The following PCDH15 variants were observed in gnomAD, a reference collection of about 807,000 sequenced individuals.
PCDH15 encodes protocadherin related 15, also known as protocadherin-15.
PCDH15 carries 129 observed loss-of-function variants against 178.5 expected under a neutral mutation model. The ratio of observed to expected loss-of-function variants is 0.72; its 90% CI spans 0.63 to 0.84. The LOEUF is 0.84. Ranked by LOEUF, PCDH15 falls within the 40% of genes least tolerant of loss-of-function variation. The probability of loss-of-function intolerance (pLI) is 0.00; values close to 1 mark genes in which losing one functional copy is unlikely to be tolerated. For missense variants in PCDH15, 2,230 were observed against 2,099.9 expected (o/e 1.06, Z -1.21); for synonymous variants, 800 against 732.0 (o/e 1.09, Z -1.50).
At chr10:54,958,327 A>G (rs1838545967) in intron 2 of PCDH15, among the ~76,000 whole-genome samples, 1 of 151,774 alleles carries the variant, frequency 6.6e-6, no homozygotes, top group African/African-American at 2.4e-5. Context: ...GTTTTGTCTT[A>G]CCTACGTCAC....
intron 13 of PCDH15, among the ~76,000 whole-genome samples, chr10:54,178,773 T>C (rs1040234809): frequency 6.6e-6 from 1 of 152,002 alleles, no homozygotes; most frequent in East Asian, 1.9e-4. Context: ...GAACAGACAC[T>C]TCTCAAAAGA....
At chr10:55,498,143 C>T (rs549065333) in intron 2 of PCDH15, among the ~76,000 whole-genome samples, 5 of 151,938 alleles carry the variant, frequency 3.3e-5, no homozygotes, top group Admixed American at 3.3e-4. Context: ...TGTTTCTAAA[C>T]ATCTTTAAGA....
At chr10:54,103,163 T>C (rs1199542937) in intron 15 of PCDH15, among the ~76,000 whole-genome samples, 1 of 152,236 alleles carries the variant, frequency 6.6e-6, no homozygotes, top group Non-Finnish European at 1.5e-5. Context: ...CATGATTCTC[T>C]GTTTTTATAA....
At chr10:55,359,987 T>G (rs12778882) in intron 2 of PCDH15, among the ~76,000 whole-genome samples, 52,478 of 151,278 alleles carry the variant, frequency 0.35, 9,461 homozygotes, top group Admixed American at 0.4. Context: ...GGGCTGGGAA[T>G]ATAGGAAAGG....
chr10:55,042,727 G>T (rs930101097), intron 2 of PCDH15, among the ~76,000 whole-genome samples: 2 of 152,044 alleles, frequency 1.3e-5, no homozygotes, highest in African/African-American at 4.8e-5. Flanking sequence ...GGCACTAACT[G>T]GATAAGAAAA....
At position 54,371,999 on chromosome 10, in the gene PCDH15, G is replaced by A. The variant is rs141582427; in HGVS notation, c.319-2724C>T. ...AAAGACTAGCTCTTAGAAGTTTCCT[G>A]GAAAGAATTTGAATTAGATGACCTC... On this transcript the variant is annotated intron_variant, in intron 4 of 37. Coordinates refer to ENST00000644397, the MANE Select transcript of PCDH15 (RefSeq NM_001384140.1). Among the ~76,000 whole-genome samples, 51 of 151,856 alleles carry A rather than the reference G, an allele frequency of 3.4e-4. No homozygotes were observed. In the East Asian group the frequency reaches 8.7e-3, roughly 26 times the overall value.
intron 1 of PCDH15, among the ~76,000 whole-genome samples, chr10:54,778,474 T>C (rs1949942448): frequency 6.6e-6 from 1 of 152,160 alleles, no homozygotes; most frequent in South Asian, 2.1e-4. Context: ...AGAAGCACTA[T>C]GGAATGAAAC....
At chr10:54,783,362 A>T (rs1950550023) in intron 1 of PCDH15, among the ~76,000 whole-genome samples, 1 of 152,114 alleles carries the variant, frequency 6.6e-6, no homozygotes, top group Non-Finnish European at 1.5e-5. Flanking sequence ...TTAACCATAA[A>T]GTAGGAATTT....
chr10:54,423,543 T>C (rs1278467555), intron 3 of PCDH15, among the ~76,000 whole-genome samples: 2 of 151,744 alleles, frequency 1.3e-5, no homozygotes, highest in South Asian at 2.1e-4. Flanking sequence ...TCTTTAGACA[T>C]GGTGAGGCAG....
chr10:53,852,695 T>A (rs1339724653), intron 28 of PCDH15, among the ~76,000 whole-genome samples: 1 of 152,102 alleles, frequency 6.6e-6, no homozygotes, highest in African/African-American at 2.4e-5. Flanking sequence ...TGTCCTCATT[T>A]GTACTGATTA....
At chr10:53,893,579 A>G (rs2081738048) in intron 26 of PCDH15, among the ~76,000 whole-genome samples, 1 of 152,224 alleles carries the variant, frequency 6.6e-6, no homozygotes, top group African/African-American at 2.4e-5. Context: ...GATAAAGAAA[A>G]TGTGGTATAT....
chr10:55,363,272 C>T (rs1251755699), intron 2 of PCDH15, among the ~76,000 whole-genome samples: 2 of 152,114 alleles, frequency 1.3e-5, no homozygotes, highest in East Asian at 1.9e-4. Context: ...TATTTAATGG[C>T]ATGAATAAAT....
chr10:54,491,897 G>A (rs1339654065), intron 3 of PCDH15, among the ~76,000 whole-genome samples: 1 of 152,094 alleles, frequency 6.6e-6, no homozygotes, highest in East Asian at 1.9e-4. Flanking sequence ...GAAATGCCTT[G>A]CAATCAGTTG....
At chr10:54,441,347 A>C in intron 3 of PCDH15, among the ~76,000 whole-genome samples, 1 of 152,066 alleles carries the variant, frequency 6.6e-6, no homozygotes, top group Middle Eastern at 3.4e-3. Context: ...TAAGTTTTAT[A>C]AATAAAAGAC....
chr10:55,409,195 C>T (rs929318069), intron 2 of PCDH15, among the ~76,000 whole-genome samples: 1 of 152,124 alleles, frequency 6.6e-6, no homozygotes, highest in South Asian at 2.1e-4. Flanking sequence ...ACTCACATCT[C>T]TATGTGTATA....
intron 2 of PCDH15, among the ~76,000 whole-genome samples, chr10:54,625,545 T>C (rs2093520710): frequency 1.3e-5 from 2 of 152,176 alleles, no homozygotes; most frequent in African/African-American, 2.4e-5. Flanking sequence ...GTTTTAAAAA[T>C]GGGAGTTTGC....
intron 36 of PCDH15, 107 bp from the exon 37 acceptor site, chr10:53,810,771 A>G: frequency 1.0e-6 from 1 of 1,004,908 alleles, no homozygotes; most frequent in South Asian, 1.3e-5. Context: ...ATCGACAGAT[A>G]TTTACACAGC....
chr10:54,554,531 T>C (rs1219534525), intron 2 of PCDH15, among the ~76,000 whole-genome samples: 2 of 152,118 alleles, frequency 1.3e-5, no homozygotes, highest in Non-Finnish European at 2.9e-5. Context: ...ACCAGAAGTA[T>C]TTAGGAAAGC....
At chr10:55,446,930 A>G (rs1839330794) in intron 2 of PCDH15, among the ~76,000 whole-genome samples, 1 of 152,094 alleles carries the variant, frequency 6.6e-6, no homozygotes, top group Non-Finnish European at 1.5e-5. Flanking sequence ...AGCATTGTAA[A>G]GGTCTACATT....
Sources: allele counts gnomAD v4.1 joint callset (sites outside exome capture counted in the v4.1 genomes callset), GRCh38; gene constraint gnomAD v4.1.1; transcripts MANE v1.5; gene names NCBI Gene and HGNC (gene_info 2026-07-23, HGNC 2026-07-21).